The following PLXNA3 variants were observed in gnomAD, a reference collection of about 807,000 sequenced individuals.
PLXNA3 encodes the protein plexin A3.
A neutral mutation model predicts 118.8 loss-of-function variants in PLXNA3; 52 were observed. That is an observed-to-expected ratio of 0.44 (90% CI 0.35 to 0.55). The LOEUF is 0.55. Ranked by LOEUF, PLXNA3 falls within the 20% of genes least tolerant of loss-of-function variation. PLXNA3 has a pLI of 0.01. For synonymous variants in PLXNA3, 925 were observed against 762.4 expected, an observed-to-expected ratio of 1.21 and a Z score of -3.51; for missense variants, 1,660 against 1,730.8, an observed-to-expected ratio of 0.96 and a Z score of 0.73.
At chrX:154,463,807 A>C in intron 6 of PLXNA3, 117 bp downstream of exon 6, 5 of 969,916 alleles carry the variant, frequency 5.2e-6, no homozygotes, top group African/African-American at 1.9e-5. Flanking sequence ...TCTCCAGCTA[A>C]TGAGTGGAAC....
Position 154,461,614 on chromosome X carries a change from C to G in PLXNA3, c.1110C>G (p.Asn370Lys). The change falls in exon 3 of 33, where the codon AAC becomes AAG. Residue 370 changes from asparagine (N) to lysine (K), a missense_variant. Asn to Lys is a moderately conservative substitution (Grantham distance 94, BLOSUM62 0). Coordinates refer to ENST00000369682, the MANE Select transcript of PLXNA3 (RefSeq NM_017514.5). ...EGTLALPWLL[N>K]KELPCINTPM... is the part of the protein sequence containing the mutation. ...CTCTGGCTCTGCCCTGGCTGCTGAA[C>G]AAGGAGCTGCCCTGCATCAACACCG... 1 of 1,197,140 alleles carries G rather than the reference C, an allele frequency of 8.4e-7. No homozygotes were observed. Among genetic ancestry groups the G allele is most frequent in the Non-Finnish European group, 1.1e-6 (1 of 891,927 alleles).
At chrX:154,463,555 G>C (rs782128747) in intron 5 of PLXNA3, 35 bp from the exon 6 acceptor site, 1 of 1,165,425 alleles carries the variant, frequency 8.6e-7, no homozygotes, top group Non-Finnish European at 1.2e-6. Context: ...GTGGTGGGGC[G>C]GGGGTGGGCT....
intron 1 of PLXNA3, among the ~76,000 whole-genome samples, chrX:154,458,659 G>T (rs1402848686): frequency 8.9e-6 from 1 of 112,344 alleles, no homozygotes. Context: ...GAGGATCAAC[G>T]CTGTACTTCC....
At chrX:154,464,910 C>T (rs370982431) in intron 10 of PLXNA3, 42 bp downstream of exon 10, 89 of 1,079,812 alleles carry the variant, frequency 8.2e-5, no homozygotes, top group East Asian at 1.9e-4. Flanking sequence ...CTCTGTGGTG[C>T]GGGCGGGGCC....
At position 154,465,974 on chromosome X, in the gene PLXNA3, G is replaced by A; in HGVS notation, c.2572G>A (p.Val858Ile). ...GGGGCCCAAGGAAGGAGGCACCCGG[G>A]TCACCATCGTGGGTGAGAACCTGGG... ...LVGPKEGGTR[V>I]TIVGENLGLL... The change falls in exon 14 of 33, where the codon GTC becomes ATC. Residue 858 changes from valine (V) to isoleucine (I), a missense_variant. Coordinates refer to ENST00000369682, the MANE Select transcript of PLXNA3 (RefSeq NM_017514.5). 8.3e-7 allele frequency: 1 copy of A among 1,211,510 alleles called. No homozygotes were observed. The highest frequency in any genetic ancestry group is 1.1e-6 in the Non-Finnish European group (1 of 895,385).
Position 154,465,929 on chromosome X carries a change from C to G in PLXNA3, c.2533-6C>G. Reference sequence around the variant, plus strand: ...CAACTCTCTCACTGCCCATCCTGCTCCACAGATCCACCCTCTCGTGGGGCC... The same window carrying G: ...CAACTCTCTCACTGCCCATCCTGCTGCACAGATCCACCCTCTCGTGGGGCC... On this transcript the variant is annotated splice_region_variant and splice_polypyrimidine_tract_variant and intron_variant, in intron 13 of 32. Coordinates refer to ENST00000369682, the MANE Select transcript of PLXNA3 (RefSeq NM_017514.5). The G allele has an allele frequency of 8.3e-7, 1 of 1,211,576 alleles. No homozygotes were observed. The highest frequency in any genetic ancestry group is 1.1e-6 in the Non-Finnish European group (1 of 895,463).
At chrX:154,458,566 T>C (rs1201357216) in intron 1 of PLXNA3, 138 bp downstream of exon 1, 1 of 112,653 alleles carries the variant, frequency 8.9e-6, no homozygotes, top group Non-Finnish European at 1.9e-5. Flanking sequence ...CCCGACTCCT[T>C]GTGCCCCGCA....
chrX:154,463,304 G>A (rs2069009449), intron 4 of PLXNA3, 87 bp from the exon 5 acceptor site: 4 of 1,176,690 alleles, frequency 3.4e-6, no homozygotes, highest in Non-Finnish European at 4.6e-6. Flanking sequence ...CGTCAGCTCA[G>A]CCACAACCTC....
intron 2 of PLXNA3, 103 bp downstream of exon 2, chrX:154,460,880 G>GCATCCCAGACACTGA: frequency 1.4e-6 from 1 of 694,401 alleles, no homozygotes; most frequent in Non-Finnish European, 2.1e-6. Context: ...CTCAGTGTCT[G>GCATCCCAGACACTGA]GGATGCAGAC....
chrX:154,465,558 A>G (rs782339912), intron 12 of PLXNA3, 38 bp downstream of exon 12: 79 of 1,155,282 alleles, frequency 6.8e-5, no homozygotes, highest in South Asian at 3.4e-4. Context: ...TCCTAAGGCA[A>G]TTGGCACTGC....
In PLXNA3 at chrX:154,467,292, C is replaced by T. The variant is rs782461110; in HGVS notation, c.3262C>T (p.Arg1088Trp). The part of the protein sequence containing the change: ...LCKAPGIFLG[R>W]PQPRAQGEHP... ...TAAGGCCCCCGGCATCTTTCTTGGG[C>T]GGCCCCAGCCTCGGGCGCAAGGCGA... The change falls in exon 19 of 33, where the codon CGG (arginine) becomes TGG (tryptophan). Residue 1088 changes from arginine (R) to tryptophan (W), a missense_variant. Physicochemically the swap from Arg to Trp is moderately radical, Grantham distance 101. Around this residue, in one of 2 missense-constraint regions of PLXNA3, gnomAD observed 869 missense variants for 1,078.7 expected, o/e 0.81. Coordinates refer to ENST00000369682, the MANE Select transcript of PLXNA3 (RefSeq NM_017514.5). 36 of 1,207,199 alleles carry T rather than the reference C, an allele frequency of 3.0e-5. No homozygotes were observed. The highest frequency in any genetic ancestry group is 3.9e-5 in the Non-Finnish European group (35 of 894,696).
In PLXNA3 at chrX:154,472,685, A is replaced by G. The variant is rs782004593; in HGVS notation, c.5616A>G (p.Ter1872=). 4.3e-6 allele frequency: 5 copies of G among 1,173,454 alleles called. No individual in the cohort carries two copies. Among genetic ancestry groups the G allele is most frequent in the Non-Finnish European group, 5.8e-6 (5 of 861,600 alleles). The change falls in exon 33 of 33, where the codon TAA becomes TAG. Residue 1872 remains the stop codon, a stop_retained_variant. Coordinates refer to ENST00000369682, the MANE Select transcript of PLXNA3 (RefSeq NM_017514.5). ...TCAGCCTCGTGTCCAGCGACAGCTA[A>G]GGTGGTGGAATCGGTGAGGAGGGGG... The part of the protein sequence containing the change: ...QIISLVSSDS[*]
rs782020864 is a variant in PLXNA3, at chrX:154,461,267, G to A, written c.763G>A (p.Glu255Lys). 19 of 1,211,779 alleles carry A rather than the reference G, an allele frequency of 1.6e-5. No homozygotes were observed. In the Admixed American group the frequency reaches 2.4e-4, roughly 15 times the overall value. Residue 255 changes from glutamate to lysine, a missense_variant, in exon 3 of 33, where the codon GAG becomes AAG. Glu to Lys is a moderately conservative substitution (Grantham distance 56). This residue lies in a region of PLXNA3 where 791 missense variants were observed against 652.1 expected (regional missense o/e 1.21). Transcript: ENST00000369682. ...GCAGACGCTGTTGGACACAGCGGGC[G>A]AGAAATTTTTCACGTCCAAGATCGT... ...TQQTLLDTAG[E>K]KFFTSKIVRM...
rs1360888060 is a variant in PLXNA3, at chrX:154,476,633, A to C, written c.*3948A>C. 3.6e-5 allele frequency: 4 copies of C among 112,068 alleles called. No homozygotes were observed. The Admixed American group carries it at 3.8e-4, about 11-fold the overall frequency. 9.2% of individuals were successfully genotyped at this position (112,068 alleles called of 1,213,427 possible). A position where few individuals can be genotyped will look rare whatever the true frequency, so the allele number is the denominator to read the frequency against. ...CGTCACCACTGGCAGAGCTCCCCAGATTCTACAAAGGGAAACTGTTCCTCC... is the reference window on the plus strand; with the variant it reads ...CGTCACCACTGGCAGAGCTCCCCAGCTTCTACAAAGGGAAACTGTTCCTCC... On this transcript the variant is annotated 3_prime_UTR_variant, in exon 33 of 33. Coordinates refer to ENST00000369682, the MANE Select transcript of PLXNA3 (RefSeq NM_017514.5).
intron 4 of PLXNA3, among the ~76,000 whole-genome samples, chrX:154,462,922 G>C (rs1056752762): frequency 9.0e-6 from 1 of 111,562 alleles, no homozygotes; most frequent in Non-Finnish European, 1.9e-5. Context: ...AGGAGGGCAA[G>C]TGTTGGTCTG....
chrX:154,468,624 C>T, intron 23 of PLXNA3, 39 bp from the exon 24 acceptor site: 1 of 1,208,953 alleles, frequency 8.3e-7, no homozygotes, highest in African/African-American at 1.7e-5. Flanking sequence ...TGTCCAAGCC[C>T]CACCCCTGCC....
At chrX:154,458,668 C>T (rs1056432782) in intron 1 of PLXNA3, among the ~76,000 whole-genome samples, 20 of 112,344 alleles carry the variant, frequency 1.8e-4, no homozygotes, top group Non-Finnish European at 3.0e-4. Flanking sequence ...CGCTGTACTT[C>T]CCTCCCGCTA....
chrX:154,464,046 A>G lies in PLXNA3; in HGVS notation c.1643A>G (p.Asn548Ser), dbSNP rs782512921. The G allele has an allele frequency of 7.4e-6, 9 of 1,210,381 alleles. No individual in the cohort carries two copies. Among genetic ancestry groups the G allele is most frequent in the South Asian group, 1.8e-5 (1 of 56,838 alleles). The change falls in exon 7 of 33, where the codon AAT becomes AGT. Residue 548 changes from asparagine (N) to serine (S), a missense_variant. Physicochemically the swap from Asn to Ser is conservative, Grantham distance 46. Coordinates refer to ENST00000369682, the MANE Select transcript of PLXNA3 (RefSeq NM_017514.5). ...KCVQVRVRPN[N>S]VSVTSPGVQL... ...GTCCAGGTGCGGGTCCGGCCCAACA[A>G]TGTGTCAGTGACGTCACCTGGGGTG...
Position 154,460,348 on chromosome X carries a change from G to T in PLXNA3, c.165G>T (p.Lys55Asn). The change falls in exon 2 of 33, where the codon AAG (lysine) becomes AAT (asparagine). Residue 55 changes from lysine (K) to asparagine (N), a missense_variant. Around this residue, in one of 2 missense-constraint regions of PLXNA3, gnomAD observed 791 missense variants for 652.1 expected, o/e 1.21. Coordinates refer to ENST00000369682, the MANE Select transcript of PLXNA3 (RefSeq NM_017514.5). ...TGGGCGCAGTGAACCGAGTCTTTAA[G>T]CTGGCCCCCAACCTGACTGAGCTGC... is the stretch of plus-strand genomic sequence containing the variant. The part of the protein sequence containing the change: ...VFVGAVNRVF[K>N]LAPNLTELRA... The T allele has an allele frequency of 8.3e-7, 1 of 1,211,129 alleles. No homozygotes were observed. The highest frequency in any genetic ancestry group is 1.1e-6 in the Non-Finnish European group (1 of 895,246).
Sources: allele counts gnomAD v4.1 joint callset (sites outside exome capture counted in the v4.1 genomes callset), GRCh38; gene constraint gnomAD v4.1.1; regional missense constraint gnomAD v4.1.1; transcripts MANE v1.5; gene names NCBI Gene and HGNC (gene_info 2026-07-23, HGNC 2026-07-21).